Variants in AFMID observed in about 807,000 individuals in gnomAD.
AFMID encodes the protein kynurenine formamidase.
AFMID carries 39 observed loss-of-function variants against 47.5 expected under a neutral mutation model. The observed-to-expected ratio is 0.82, with a 90% CI of 0.64 to 1.07. The LOEUF is 1.07. Among genes scored for constraint, AFMID ranks in the 50% least tolerant of loss-of-function variants. The pLI is 0.00. For synonymous variants in AFMID, 130 were observed against 153.2 expected, an observed-to-expected ratio of 0.85 and a Z score of 1.12; for missense variants, 375 against 387.5, an observed-to-expected ratio of 0.97 and a Z score of 0.27.
At chr17:78,199,275 C>G (rs73381534) in intron 2 of AFMID, among the ~76,000 whole-genome samples, 1 of 152,186 alleles carries the variant, frequency 6.6e-6, no homozygotes, top group Non-Finnish European at 1.5e-5. Context: ...AGACGCAATT[C>G]GTACAAGCTC....
intron 2 of AFMID, chr17:78,197,389 A>G (rs1411350976): frequency 3.4e-6 from 2 of 584,152 alleles, no homozygotes; most frequent in African/African-American, 3.8e-5. Flanking sequence ...AGCTATTCAC[A>G]GCAGGGGTGT....
In AFMID at chr17:78,205,634, A is replaced by G. The variant is rs1350714202; in HGVS notation, c.676A>G (p.Lys226Glu). 6.8e-6 allele frequency: 11 copies of G among 1,613,688 alleles called. No homozygotes were observed. The highest frequency in any genetic ancestry group is 1.3e-5 in the African/African-American group (1 of 74,988). ...EDAQRNSPQLKVAQAQPVDPT... is the reference protein window; with the variant it reads ...EDAQRNSPQLEVAQAQPVDPT... ...CGCTCAGAGGAATAGCCCCCAGCTGAAGGTGGCCCAGGCACAGCCGGTGGA... is the reference window on the plus strand; with the variant it reads ...CGCTCAGAGGAATAGCCCCCAGCTGGAGGTGGCCCAGGCACAGCCGGTGGA... Residue 226 changes from lysine (K) to glutamate (E), a missense_variant, in exon 9 of 11, where the codon AAG (lysine) becomes GAG (glutamate). Coordinates refer to ENST00000409257, the MANE Select transcript of AFMID (RefSeq NM_001010982.5).
At chr17:78,199,297 CT>C (rs2076189337) in intron 2 of AFMID, among the ~76,000 whole-genome samples, 1 of 152,176 alleles carries the variant, frequency 6.6e-6, no homozygotes, top group Non-Finnish European at 1.5e-5. Context: ...CAGCCCCATG[CT>C]TTTTCTTCCT....
chr17:78,188,698 G>A (rs1434834379), intron 1 of AFMID, among the ~76,000 whole-genome samples: 3 of 152,064 alleles, frequency 2.0e-5, no homozygotes, highest in South Asian at 2.1e-4. Flanking sequence ...CAGGGTTCAC[G>A]CCATTCTCCG....
intron 2 of AFMID, among the ~76,000 whole-genome samples, chr17:78,195,146 G>A (rs2076077909): frequency 1.3e-5 from 2 of 152,080 alleles, no homozygotes; most frequent in Admixed American, 1.3e-4. Flanking sequence ...TAGGGGCAAG[G>A]GGAGGGAGGA....
intron 4 of AFMID, 39 bp from the exon 5 acceptor site, chr17:78,204,617 C>G: frequency 6.2e-7 from 1 of 1,605,982 alleles, no homozygotes; most frequent in Non-Finnish European, 8.5e-7. Flanking sequence ...GCGTAGTGGC[C>G]AAGCTGCCTC....
intron 3 of AFMID, 27 bp from the exon 4 acceptor site, chr17:78,202,676 T>A (rs1200154641): frequency 8.9e-6 from 14 of 1,565,302 alleles, no homozygotes; most frequent in Non-Finnish European, 1.2e-5. Context: ...CGGGCCTTGC[T>A]CACACGCCCT....
intron 2 of AFMID, among the ~76,000 whole-genome samples, chr17:78,195,053 A>C (rs1233945739): frequency 1.3e-5 from 2 of 152,222 alleles, no homozygotes; most frequent in African/African-American, 4.8e-5. Context: ...CAGATACAAA[A>C]GTTCAAATTC....
intron 2 of AFMID, among the ~76,000 whole-genome samples, chr17:78,194,382 G>GT (rs1349977703): frequency 6.6e-6 from 1 of 152,176 alleles, no homozygotes; most frequent in Non-Finnish European, 1.5e-5. Context: ...GCCTCCCAAA[G>GT]TGCTGGGATT....
intron 4 of AFMID, chr17:78,203,405 T>C (rs1373926073): frequency 6.7e-6 from 1 of 148,250 alleles, no homozygotes; most frequent in African/African-American, 2.5e-5. Flanking sequence ...TCACAGGTTC[T>C]GGGGTTAGGA....
intron 2 of AFMID, among the ~76,000 whole-genome samples, chr17:78,198,114 A>T (rs2076157185): frequency 1.3e-5 from 2 of 152,164 alleles, no homozygotes; most frequent in South Asian, 4.1e-4. Context: ...CTATAGTCTT[A>T]GCTACTCTGG....
intron 4 of AFMID, chr17:78,203,345 G>T (rs2076297157): frequency 6.8e-6 from 1 of 147,826 alleles, no homozygotes; most frequent in Admixed American, 7.0e-5. Flanking sequence ...ACAGGCGTGA[G>T]CCACCACACC....
Position 78,191,078 on chromosome 17 carries a change from C to CT in AFMID, c.154+18_154+19insT. On this transcript the variant is annotated intron_variant, in intron 2 of 10. Transcript: ENST00000409257. ...AATTGAAGGTACTAGTGTGACCTCT[C>CT]CGTGGCCGCATTGGGTGTCCTTAAG... The CT allele has an allele frequency of 6.2e-7, 1 of 1,608,164 alleles. No individual in the cohort carries two copies. The highest frequency in any genetic ancestry group is 8.5e-7 in the Non-Finnish European group (1 of 1,175,236).
intron 1 of AFMID, among the ~76,000 whole-genome samples, chr17:78,190,215 C>A (rs11657432): frequency 6.6e-6 from 1 of 151,806 alleles, no homozygotes; most frequent in African/African-American, 2.4e-5. Context: ...GGTGTTAGCC[C>A]GACATTCACC....
At chr17:78,194,172 G>A (rs906276975) in intron 2 of AFMID, among the ~76,000 whole-genome samples, 7 of 151,058 alleles carry the variant, frequency 4.6e-5, no homozygotes, top group South Asian at 2.1e-4. Context: ...GTGCAGTGGC[G>A]TGATTTTGGC....
At chr17:78,206,843 C>T (rs2076397267) in intron 10 of AFMID, 68 bp from the exon 11 acceptor site, 4 of 1,579,228 alleles carry the variant, frequency 2.5e-6, no homozygotes, top group Non-Finnish European at 3.5e-6. Context: ...TGTCTCATTT[C>T]CTTAATCAAA....
intron 1 of AFMID, 29 bp from the exon 2 acceptor site, chr17:78,190,941 T>C (rs1447814011): frequency 1.2e-6 from 2 of 1,606,912 alleles, no homozygotes; most frequent in Non-Finnish European, 1.7e-6. Flanking sequence ...AAGGAAAGTC[T>C]TACGGAGCCT....
Position 78,187,436 on chromosome 17 carries a change from A to G in AFMID, c.63+3A>G, listed in dbSNP as rs1365397873. The stretch of plus-strand genomic sequence containing the variant: ...CTTGGAAGAAGATGTCTGCAGAGGT[A>G]GGTGGATTGCAGGGAGGGACTAAGG... On this transcript the variant is annotated splice_donor_region_variant and intron_variant, in intron 1 of 10. Transcript: ENST00000409257. The G allele has an allele frequency of 1.2e-6, 2 of 1,613,814 alleles. No homozygotes were observed. Among genetic ancestry groups the G allele is most frequent in the Non-Finnish European group, 8.5e-7 (1 of 1,179,886 alleles).
At position 78,204,741 on chromosome 17, in the gene AFMID, G is replaced by A; in HGVS notation, c.394G>A (p.Gly132Ser). ...AGTGGCTTACGGCATCGCCCCCAAA[G>A]GTAATAGGAGTGGTTGCTGCAGGTC... ...VIVAYGIAPK[G>S]TLDHMVDQVT... The change falls in exon 5 of 11, where the codon GGC (glycine) becomes AGC (serine). Residue 132 changes from glycine (G) to serine (S), a missense_variant and splice_region_variant. Physicochemically the swap from Gly to Ser is moderately conservative, Grantham distance 56 (BLOSUM62 0). Coordinates refer to ENST00000409257, the MANE Select transcript of AFMID (RefSeq NM_001010982.5). 2 of 1,614,176 alleles carry A rather than the reference G, an allele frequency of 1.2e-6. No individual in the cohort carries two copies. Among genetic ancestry groups the A allele is most frequent in the African/African-American group, 1.3e-5 (1 of 75,062 alleles).
Sources: gnomAD v4.1 joint callset for allele counts (sites outside exome capture counted in the v4.1 genomes callset) on GRCh38, gnomAD v4.1.1 for gene constraint, MANE v1.5 for transcripts, NCBI Gene and HGNC (gene_info 2026-07-23, HGNC 2026-07-21) for gene names.